Variants in ATP10D observed in about 807,000 individuals in gnomAD.
ATP10D encodes the protein ATPase phospholipid transporting 10D (putative).
Under a neutral mutation model 144.8 loss-of-function variants are expected in ATP10D, and 89 were observed. The ratio of observed to expected loss-of-function variants is 0.61; its 90% CI spans 0.52 to 0.73. The LOEUF is 0.73. ATP10D is among the 30% of genes least tolerant of loss of function. The pLI, the probability that ATP10D is intolerant of heterozygous loss-of-function variation, is 0.00. For synonymous variants in ATP10D, 571 were observed against 615.1 expected (o/e 0.93, Z 1.06); for missense variants, 1,603 against 1,714.8 (o/e 0.93, Z 1.15).
At chr4:47,495,335 A>G (rs1715295113) in intron 1 of ATP10D, among the ~76,000 whole-genome samples, 1 of 152,212 alleles carries the variant, frequency 6.6e-6, no homozygotes, top group Admixed American at 6.5e-5. Flanking sequence ...AAGGAAAGAA[A>G]AAAAAGAGTT....
At chr4:47,504,142 A>G (rs1420208137) in intron 1 of ATP10D, among the ~76,000 whole-genome samples, 1 of 152,220 alleles carries the variant, frequency 6.6e-6, no homozygotes, top group East Asian at 1.9e-4. Context: ...ATAAAGGATT[A>G]TGTAACTTCA....
In ATP10D at chr4:47,512,782, A is replaced by C. The variant is rs908093392; in HGVS notation, c.242A>C (p.Tyr81Ser). Residue 81 changes from tyrosine (Y) to serine (S), a missense_variant, in exon 2 of 23, where the codon TAC becomes TCC. Tyr to Ser is a moderately radical substitution (Grantham distance 144). Transcript: ENST00000273859. Reference sequence around the variant, plus strand: ...AACAATCGAATACGAACAACAAAGTACACACTTCTGAATTTTGTGCCAAGA... The same window carrying C: ...AACAATCGAATACGAACAACAAAGTCCACACTTCTGAATTTTGTGCCAAGA... ...YVNNRIRTTK[Y>S]TLLNFVPRNL... The C allele has an allele frequency of 4.1e-5, 66 of 1,611,292 alleles. No individual in the cohort carries two copies. The highest frequency in any genetic ancestry group is 5.4e-5 in the Non-Finnish European group (64 of 1,177,498).
chr4:47,531,849 A>C (rs1717583700), intron 5 of ATP10D, among the ~76,000 whole-genome samples: 1 of 152,160 alleles, frequency 6.6e-6, no homozygotes, highest in Non-Finnish European at 1.5e-5. Context: ...CTCCCTGATG[A>C]GCTCAGACTT....
intron 1 of ATP10D, among the ~76,000 whole-genome samples, chr4:47,510,643 A>G (rs1716274694): frequency 6.6e-6 from 1 of 152,170 alleles, no homozygotes; most frequent in Non-Finnish European, 1.5e-5. Context: ...GCGTGAGGTT[A>G]TTAGTCAGAC....
intron 21 of ATP10D, among the ~76,000 whole-genome samples, chr4:47,583,903 C>G (rs1360827178): frequency 6.6e-6 from 1 of 152,216 alleles, no homozygotes; most frequent in African/African-American, 2.4e-5. Context: ...GTCCTCTGGT[C>G]TGAACTGGCT....
At chr4:47,502,561 TG>T (rs1466201527) in intron 1 of ATP10D, among the ~76,000 whole-genome samples, 186 of 148,842 alleles carry the variant, frequency 1.2e-3, no homozygotes, top group African/African-American at 4.3e-3. Context: ...TATATATATT[TG>T]ATAATATATA....
At chr4:47,581,748 G>A (rs926396446) in intron 20 of ATP10D, among the ~76,000 whole-genome samples, 1 of 152,178 alleles carries the variant, frequency 6.6e-6, no homozygotes, top group Non-Finnish European at 1.5e-5. Context: ...AGAATAAAGA[G>A]GAATTCCAGT....
At chr4:47,533,971 G>A (rs1054168223) in intron 5 of ATP10D, among the ~76,000 whole-genome samples, 2 of 152,108 alleles carry the variant, frequency 1.3e-5, no homozygotes, top group African/African-American at 4.8e-5. Context: ...ATAATATCAT[G>A]TAATACCAAG....
intron 22 of ATP10D, among the ~76,000 whole-genome samples, chr4:47,590,212 T>G (rs1263890127): frequency 6.6e-6 from 1 of 152,144 alleles, no homozygotes; most frequent in Non-Finnish European, 1.5e-5. Context: ...AGGAGGTTTC[T>G]AAGCAAAGTG....
intron 15 of ATP10D, among the ~76,000 whole-genome samples, chr4:47,564,843 T>C (rs114229642): frequency 0.013 from 1,948 of 152,348 alleles, 27 homozygotes; most frequent in Non-Finnish European, 0.015. Flanking sequence ...ACTTAACCAG[T>C]GATATCAATC....
chr4:47,560,390 C>G (rs1010237564), intron 13 of ATP10D: 2 of 151,922 alleles, frequency 1.3e-5, no homozygotes, highest in African/African-American at 2.4e-5. Flanking sequence ...ATAAAATAAC[C>G]ATCAAAGGAG....
intron 1 of ATP10D, among the ~76,000 whole-genome samples, chr4:47,490,080 ATGT>A (rs758105179): frequency 6.6e-6 from 1 of 152,194 alleles, no homozygotes; most frequent in Non-Finnish European, 1.5e-5. Context: ...CTGTCTCAAA[ATGT>A]TGTGAAATCT....
chr4:47,581,886 G>C, intron 20 of ATP10D, 74 bp from the exon 21 acceptor site: 1 of 1,181,634 alleles, frequency 8.5e-7, no homozygotes, highest in Non-Finnish European at 1.3e-6. Context: ...CCTTGGTTGA[G>C]CTGTAGATAA....
At chr4:47,570,275 T>A (rs1378816643) in intron 16 of ATP10D, among the ~76,000 whole-genome samples, 1 of 152,154 alleles carries the variant, frequency 6.6e-6, no homozygotes, top group Non-Finnish European at 1.5e-5. Context: ...GGATATGTTA[T>A]ATGAGAGAAA....
At chr4:47,569,554 G>T (rs541804916) in intron 16 of ATP10D, among the ~76,000 whole-genome samples, 1 of 152,058 alleles carries the variant, frequency 6.6e-6, no homozygotes, top group Non-Finnish European at 1.5e-5. Context: ...TTTGTACCAG[G>T]CATTTTTCTA....
At chr4:47,486,911 A>T (rs1714789322) in intron 1 of ATP10D, among the ~76,000 whole-genome samples, 1 of 152,140 alleles carries the variant, frequency 6.6e-6, no homozygotes, top group South Asian at 2.1e-4. Context: ...CAAAACCTGA[A>T]TACTTTTCAT....
intron 16 of ATP10D, among the ~76,000 whole-genome samples, chr4:47,570,813 A>G (rs923226144): frequency 5.5e-4 from 83 of 152,052 alleles, no homozygotes; most frequent in African/African-American, 1.8e-3. Context: ...AAAAAAAAAA[A>G]AGAGAAATAA....
At chr4:47,546,522 G>A (rs1718441042) in intron 9 of ATP10D, 102 bp from the exon 10 acceptor site, 4 of 1,049,300 alleles carry the variant, frequency 3.8e-6, no homozygotes, top group Non-Finnish European at 5.8e-6. Flanking sequence ...GTTTGAAAGG[G>A]GAGGAGATGG....
At chr4:47,543,696 CA>C (rs1038497637) in intron 9 of ATP10D, among the ~76,000 whole-genome samples, 1 of 152,168 alleles carries the variant, frequency 6.6e-6, no homozygotes, top group African/African-American at 2.4e-5. Flanking sequence ...GCTCCACCCA[CA>C]ACTAGCTGTT....
Sources: allele counts gnomAD v4.1 joint callset (sites outside exome capture counted in the v4.1 genomes callset), GRCh38; gene constraint gnomAD v4.1.1; transcripts MANE v1.5; gene names NCBI Gene and HGNC (gene_info 2026-07-23, HGNC 2026-07-21).